TARBP1: variants seen among roughly 807,000 people sequenced by gnomAD.
The protein encoded by TARBP1 is tRNA guanosine 2 -O-methyltransferase TARBP1, also known as tRNA (guanosine(18)-2'-O)-methyltransferase TARBP1.
In TARBP1, 144 loss-of-function variants were observed where a neutral mutation model predicts 178.6. That is an observed-to-expected ratio of 0.81 (90% confidence interval 0.70 to 0.93). The LOEUF (loss-of-function observed/expected upper bound fraction) is 0.93, where lower values mean the gene tolerates loss of function less well. TARBP1 is among the 40% of genes least tolerant of loss of function. TARBP1 has a pLI of 0.00. For missense variants in TARBP1, 2,067 were observed against 2,011.7 expected, an observed-to-expected ratio of 1.03 and a Z score of -0.53; for synonymous variants, 787 against 781.0, an observed-to-expected ratio of 1.01 and a Z score of -0.13.
chr1:234,443,689 G>A (rs1211795841), intron 12 of TARBP1, among the ~76,000 whole-genome samples: 1 of 152,018 alleles, frequency 6.6e-6, no homozygotes, highest in Non-Finnish European at 1.5e-5. Context: ...CAAAAGAGAA[G>A]GTGAAAAAAA....
chr1:234,478,282 G>C lies in TARBP1; in HGVS notation c.822C>G (p.Gly274=). ...RFWRTVQAGL[G]QADALTRKRA... ...GCTTGCGCGTCAGGGCGTCCGCCTG[G>C]CCCAGCCCCGCCTGCACCGTCCTCC... The change falls in exon 1 of 30, where the codon GGC becomes GGG. Residue 274 remains glycine (G), a synonymous_variant. Coordinates refer to ENST00000040877, the MANE Select transcript of TARBP1 (RefSeq NM_005646.4). The C allele has an allele frequency of 6.4e-7, 1 of 1,572,760 alleles. No individual in the cohort carries two copies. The highest frequency in any genetic ancestry group is 8.6e-7 in the Non-Finnish European group (1 of 1,160,680).
chr1:234,433,555 C>A lies in TARBP1; in HGVS notation c.2249G>T (p.Arg750Leu). 1.2e-6 allele frequency: 2 copies of A among 1,610,476 alleles called. No homozygotes were observed. The highest frequency in any genetic ancestry group is 4.5e-5 in the East Asian group (2 of 44,824). ...NELNSVSDLD[R>L]CHLYLMVLTE... is the part of the protein sequence containing the mutation. The stretch of plus-strand genomic sequence containing the variant: ...TAACACCATCAGGTATAAATGGCAA[C>A]GATCCAGATCTGAAACCTAAGACAA... The change falls in exon 14 of 30, where the codon CGT becomes CTT. Residue 750 changes from arginine (R) to leucine (L), a missense_variant. Coordinates refer to ENST00000040877, the MANE Select transcript of TARBP1 (RefSeq NM_005646.4).
chr1:234,405,761 TG>T, intron 24 of TARBP1, 141 bp downstream of exon 24: 1 of 722,586 alleles, frequency 1.4e-6, no homozygotes. Flanking sequence ...TGCTTAGGCC[TG>T]GCCCAGTCCA....
chr1:234,428,719 T>C (rs958930500), intron 17 of TARBP1, among the ~76,000 whole-genome samples: 3 of 152,146 alleles, frequency 2.0e-5, no homozygotes, highest in African/African-American at 7.2e-5. Flanking sequence ...CTAATTTTTG[T>C]ATTTTTAGTA....
Position 234,478,972 on chromosome 1 carries a change from C to T in TARBP1, c.132G>A (p.Glu44=), listed in dbSNP as rs987594187. Residue 44 remains glutamate (E), a synonymous_variant, in exon 1 of 30, where the codon GAG becomes GAA. Transcript: ENST00000040877. ...CCCCGCTGCCGCGCGCCTCCTCGTC[C>T]TCGAGCCGCTGCAGAAGGAAGCGCA... is the stretch of plus-strand genomic sequence containing the variant. The part of the protein sequence containing the change: ...ETLRFLLQRL[E]DEEARGSGGA... 2.0e-6 allele frequency: 3 copies of T among 1,475,692 alleles called. No individual in the cohort carries two copies. Among genetic ancestry groups the T allele is most frequent in the Non-Finnish European group, 1.8e-6 (2 of 1,122,768 alleles). The allele number at this position is 1,475,692 out of a possible 1,614,324, so 91.4% of individuals were successfully genotyped here. A position where few individuals can be genotyped will look rare whatever the true frequency, so the allele number is the denominator to read the frequency against.
chr1:234,455,919 AC>A (rs1423527614), intron 9 of TARBP1, among the ~76,000 whole-genome samples: 1 of 152,200 alleles, frequency 6.6e-6, no homozygotes, highest in Non-Finnish European at 1.5e-5. Flanking sequence ...CAAAAGAAAT[AC>A]TACAAAGACA....
chr1:234,447,204 T>C lies in TARBP1; in HGVS notation c.1962-229A>G, dbSNP rs1234777073. Reference sequence around the variant, plus strand: ...CACAGGGAAGAACCACTGTCTTCAATGCCAGGCACCAGCAGGAAGGAAATC... The same window carrying C: ...CACAGGGAAGAACCACTGTCTTCAACGCCAGGCACCAGCAGGAAGGAAATC... On this transcript the variant is annotated intron_variant, in intron 11 of 29. Transcript: ENST00000040877. Among the ~76,000 whole-genome samples, 2 of 152,122 alleles carry C rather than the reference T, an allele frequency of 1.3e-5. 1 individual carries two copies. Among genetic ancestry groups the C allele is most frequent in the Middle Eastern group, 6.3e-3 (2 of 316 alleles).
In TARBP1 at chr1:234,479,038, C is replaced by T. The variant is rs1180165313; in HGVS notation, c.66G>A (p.Ala22=). The change falls in exon 1 of 30, where the codon GCG becomes GCA. Residue 22 remains alanine, a synonymous_variant. Coordinates refer to ENST00000040877, the MANE Select transcript of TARBP1 (RefSeq NM_005646.4). ...QSRDPRALLG[A]LCQGEASAER... is the part of the protein sequence containing the mutation. ...CCGCGGATGCCTCCCCTTGGCACAG[C>T]GCCCCAAGCAGGGCCCGGGGGTCCC... is the stretch of plus-strand genomic sequence containing the variant. 5 of 1,537,102 alleles carry T rather than the reference C, an allele frequency of 3.3e-6. No individual in the cohort carries two copies. The highest frequency in any genetic ancestry group is 1.2e-5 in the South Asian group (1 of 84,368).
chr1:234,418,379 C>A (rs1662681911), intron 21 of TARBP1, 146 bp from the exon 22 acceptor site: 1 of 633,750 alleles, frequency 1.6e-6, no homozygotes, highest in Admixed American at 4.1e-5. Flanking sequence ...CTAAAAACTA[C>A]TGATTAAAAT....
In TARBP1 at chr1:234,451,766, A is replaced by AAAAAACAAAAAAAC. The variant is rs57636903; in HGVS notation, c.1723-1201_1723-1200insGTTTTTTTGTTTTT. Reference sequence around the variant, plus strand: ...TCCGTCTCAAAAAAAAAAAAAAAAAATGATGAATGACTGGATCATCGAAGT... The same window carrying AAAAAACAAAAAAAC: ...TCCGTCTCAAAAAAAAAAAAAAAAAAAAAAACAAAAAAACTGATGAATGACTGGATCATCGAAGT... On this transcript the variant is annotated intron_variant, in intron 9 of 29. Transcript: ENST00000040877. Among the ~76,000 whole-genome samples the AAAAAACAAAAAAAC allele has an allele frequency of 1.2e-4, 2 of 17,166 alleles. 1 individual carries two copies. The highest frequency in any genetic ancestry group is 1.8e-4 in the Non-Finnish European group (2 of 11,338). 11.3% of individuals were successfully genotyped at this position (17,166 alleles called of 152,430 possible). A position where few individuals can be genotyped will look rare whatever the true frequency, so the allele number is the denominator to read the frequency against.
At chr1:234,415,151 C>T (rs1662279961) in intron 22 of TARBP1, among the ~76,000 whole-genome samples, 1 of 152,052 alleles carries the variant, frequency 6.6e-6, no homozygotes, top group Non-Finnish European at 1.5e-5. Flanking sequence ...CAACTCGAGC[C>T]TGTTGAAAAG....
rs753812263 is a variant in TARBP1, at chr1:234,479,124, C to T, written c.-21G>A. On this transcript the variant is annotated 5_prime_UTR_variant, in exon 1 of 30. Coordinates refer to ENST00000040877, the MANE Select transcript of TARBP1 (RefSeq NM_005646.4). ...TCCATTTGCCGAGCGCCCGCGCCACCGGCCCGGGCTCCCAAAGGAAGGCGC... is the reference window on the plus strand; with the variant it reads ...TCCATTTGCCGAGCGCCCGCGCCACTGGCCCGGGCTCCCAAAGGAAGGCGC... The T allele has an allele frequency of 1.4e-5, 21 of 1,513,852 alleles. No homozygotes were observed. The highest frequency in any genetic ancestry group is 1.6e-5 in the Non-Finnish European group (18 of 1,144,522). 93.8% of individuals were successfully genotyped at this position (1,513,852 alleles called of 1,614,324 possible). A position where few individuals can be genotyped will look rare whatever the true frequency, so the allele number is the denominator to read the frequency against.
chr1:234,474,638 C>A (rs886539990), intron 1 of TARBP1, among the ~76,000 whole-genome samples: 5 of 152,146 alleles, frequency 3.3e-5, no homozygotes, highest in Admixed American at 6.5e-5. Flanking sequence ...TTCTCAACAG[C>A]AATACTGGAA....
At chr1:234,461,642 T>C (rs545288653) in intron 6 of TARBP1, among the ~76,000 whole-genome samples, 6 of 152,288 alleles carry the variant, frequency 3.9e-5, no homozygotes, top group African/African-American at 1.4e-4. Context: ...TAGAAGCCAT[T>C]CTTCTATTTG....
intron 3 of TARBP1, 146 bp from the exon 4 acceptor site, chr1:234,467,796 G>C: frequency 1.1e-6 from 1 of 890,426 alleles, no homozygotes; most frequent in Non-Finnish European, 1.6e-6. Flanking sequence ...TTGAGAGACA[G>C]GTTCTCACTG....
At chr1:234,410,558 A>G (rs777880722) in intron 22 of TARBP1, 27 bp from the exon 23 acceptor site, 12 of 1,367,670 alleles carry the variant, frequency 8.8e-6, no homozygotes, top group Non-Finnish European at 1.1e-5. Context: ...ATAAACAAAT[A>G]TTGATTCAAA....
chr1:234,393,985 A>T (rs1449096699), intron 26 of TARBP1, 148 bp from the exon 27 acceptor site: 4 of 687,020 alleles, frequency 5.8e-6, no homozygotes, highest in Non-Finnish European at 8.8e-6. Flanking sequence ...TAAGTAAAAA[A>T]CTTTAGTTGG....
In TARBP1 at chr1:234,471,187, C is replaced by T. The variant is rs373413718; in HGVS notation, c.1099+1G>A. 3.2e-5 allele frequency: 51 copies of T among 1,588,348 alleles called. No homozygotes were observed. The highest frequency in any genetic ancestry group is 4.2e-5 in the Non-Finnish European group (49 of 1,170,364). ...AAAAATAAAATAAAAGTAATCGTTACCATTTTCCTCTGACACCGCATATTC... is the reference window on the plus strand; with the variant it reads ...AAAAATAAAATAAAAGTAATCGTTATCATTTTCCTCTGACACCGCATATTC... On this transcript the variant is annotated splice_donor_variant, in intron 3 of 29. Transcript: ENST00000040877. LOFTEE classifies it high-confidence loss of function.
chr1:234,392,367 A>C (rs761058011), intron 29 of TARBP1, 49 bp downstream of exon 29: 1 of 1,585,342 alleles, frequency 6.3e-7, no homozygotes, highest in East Asian at 2.2e-5. Context: ...AACATCTTCC[A>C]GTAGTCTGGG....
Sources: gnomAD v4.1 joint callset for allele counts (sites outside exome capture counted in the v4.1 genomes callset) on GRCh38, gnomAD v4.1.1 for gene constraint, MANE v1.5 for transcripts, NCBI Gene and HGNC (gene_info 2026-07-23, HGNC 2026-07-21) for gene names.